Variants in TCF20 observed in about 807,000 individuals in gnomAD.
TCF20 encodes transcription factor 20.
Under a neutral mutation model 148.6 loss-of-function variants are expected in TCF20, and 3 were observed. The observed-to-expected ratio is 0.02, with a 90% CI of 0.01 to 0.05. The LOEUF (loss-of-function observed/expected upper bound fraction) is 0.05. TCF20 is among the 10% of genes least tolerant of loss of function. TCF20 has a pLI of 1.00. For synonymous variants in TCF20, 1,049 were observed against 909.5 expected, an observed-to-expected ratio of 1.15 and a Z score of -2.76; for missense variants, 2,350 against 2,429.3, an observed-to-expected ratio of 0.97 and a Z score of 0.69.
intron 1 of TCF20, among the ~76,000 whole-genome samples, chr22:42,221,741 T>TTTTTTTTTTTG (rs1555931753): frequency 2.4e-5 from 3 of 123,772 alleles, no homozygotes; most frequent in Admixed American, 7.9e-5. Context: ...GGCAAAGGGT[T>TTTTTTTTTTTG]TTTTTTTTTT....
At chr22:42,229,608 G>T (rs1035902845) in intron 1 of TCF20, among the ~76,000 whole-genome samples, 1 of 152,068 alleles carries the variant, frequency 6.6e-6, no homozygotes, top group Non-Finnish European at 1.5e-5. Context: ...TGAAGGCCAC[G>T]GCAATTTTCC....
In TCF20 at chr22:42,213,987, A is replaced by G; in HGVS notation, c.1319T>C (p.Leu440Pro). ...CAGTCGCTTTTCTGGTACCCCTTCT[A>G]GTCCAAACCCTTTGAAGCCTGCAGC... is the stretch of plus-strand genomic sequence containing the variant. Reference protein sequence around the residue: ...SHAAGFKGFGLEGVPEKRLTD... With the variant: ...SHAAGFKGFGPEGVPEKRLTD... Residue 440 changes from leucine to proline, a missense_variant, in exon 2 of 6, where the codon CTA becomes CCA. Physicochemically the swap from Leu to Pro is moderately conservative, Grantham distance 98. Coordinates refer to ENST00000677622, the MANE Select transcript of TCF20 (RefSeq NM_001378418.1). 6.2e-7 allele frequency: 1 copy of G among 1,614,174 alleles called. No individual in the cohort carries two copies. Among genetic ancestry groups the G allele is most frequent in the Non-Finnish European group, 8.5e-7 (1 of 1,180,016 alleles).
intron 1 of TCF20, among the ~76,000 whole-genome samples, chr22:42,267,596 G>A (rs183616549): frequency 1.3e-5 from 2 of 152,154 alleles, no homozygotes; most frequent in Admixed American, 6.5e-5. Flanking sequence ...AGCTACTCAG[G>A]AGGCTGAGGT....
In TCF20 at chr22:42,338,238, G is replaced by A. The variant is rs997110402; in HGVS notation, c.-37+5241C>T. On this transcript the variant is annotated intron_variant, in intron 1 of 1. Transcript: ENST00000515426. This position sits in a 1 kb window ranked among gnomAD's most constrained non-coding sequence, Gnocchi z 4.0. ...CAGCTGGGTCCCCAGTGCCCGCTCC[G>A]TGACAGCCCCAGAAGAGGGCCGGAG... Among the ~76,000 whole-genome samples the A allele has an allele frequency of 6.6e-6, 1 of 152,240 alleles. No homozygotes were observed. The highest frequency in any genetic ancestry group is 2.4e-5 in the African/African-American group (1 of 41,458).
At chr22:42,208,403 G>T (rs1938533799) in intron 2 of TCF20, among the ~76,000 whole-genome samples, 2 of 152,148 alleles carry the variant, frequency 1.3e-5, no homozygotes, top group Non-Finnish European at 2.9e-5. Flanking sequence ...GAAGTGGAAG[G>T]ATTGCTTGAG....
rs1258771837 is a variant in TCF20 at position 42,270,378 on chromosome 22, G to C, written c.-76C>G. 6.6e-6 allele frequency among the ~76,000 whole-genome samples: 1 copy of C among 151,134 alleles called. No homozygotes were observed. Among genetic ancestry groups the C allele is most frequent in the Non-Finnish European group, 1.5e-5 (1 of 67,640 alleles). ...CGCCCAGTCCCTCGGCCTCCGCCGG[G>C]GGCGGGCGGGGAGGGAGCGGTGGCG... On this transcript the variant is annotated 5_prime_UTR_variant, in exon 1 of 6. Transcript: ENST00000677622.
chr22:42,282,156 C>T (rs1194600564), intron 1 of TCF20, among the ~76,000 whole-genome samples: 1 of 152,244 alleles, frequency 6.6e-6, no homozygotes, highest in East Asian at 1.9e-4. Flanking sequence ...AGGAGAGCCA[C>T]AGCCTTCCCC....
At chr22:42,322,400 G>A (rs1402889222) in intron 1 of TCF20, among the ~76,000 whole-genome samples, 3 of 151,810 alleles carry the variant, frequency 2.0e-5, no homozygotes, top group Non-Finnish European at 4.4e-5. Context: ...GAGGAGAAGG[G>A]GGTCTGCTGG....
intron 2 of TCF20, among the ~76,000 whole-genome samples, chr22:42,195,034 T>C (rs913152696): frequency 6.6e-6 from 1 of 151,228 alleles, no homozygotes; most frequent in Admixed American, 6.6e-5. Flanking sequence ...GAAATGGTCA[T>C]TGTGCATTTC....
At chr22:42,235,096 C>T (rs1923761418) in intron 1 of TCF20, among the ~76,000 whole-genome samples, 1 of 148,152 alleles carries the variant, frequency 6.7e-6, no homozygotes, top group Non-Finnish European at 1.5e-5. Context: ...GAGCCGAGAT[C>T]GTGCCACTGC....
chr22:42,261,367 G>T (rs2147375235), intron 1 of TCF20, among the ~76,000 whole-genome samples: 1 of 152,272 alleles, frequency 6.6e-6, no homozygotes, highest in African/African-American at 2.4e-5. Flanking sequence ...CTGGGTCACA[G>T]GGCAGATGTA....
chr22:42,199,841 G>T, intron 2 of TCF20, among the ~76,000 whole-genome samples: 1 of 141,632 alleles, frequency 7.1e-6, no homozygotes, highest in African/African-American at 2.7e-5. Flanking sequence ...GAGTGACTCT[G>T]TCCAAAAAAA....
At chr22:42,336,538 C>T (rs193103675) in intron 1 of TCF20, among the ~76,000 whole-genome samples, 1 of 152,234 alleles carries the variant, frequency 6.6e-6, no homozygotes, top group Non-Finnish European at 1.5e-5. Flanking sequence ...CTCCCTCCTT[C>T]ACCCGTCTCT....
chr22:42,330,001 G>A (rs1243919873), intron 1 of TCF20, among the ~76,000 whole-genome samples: 1 of 152,200 alleles, frequency 6.6e-6, no homozygotes, highest in Non-Finnish European at 1.5e-5. Context: ...GCCCTCGGCT[G>A]CCTGTGGGCC....
chr22:42,178,659 C>T (rs534180867), intron 3 of TCF20, among the ~76,000 whole-genome samples: 2 of 140,292 alleles, frequency 1.4e-5, no homozygotes, highest in African/African-American at 5.4e-5. Context: ...GGCGTGATCT[C>T]GCAACCTCTG....
chr22:42,202,878 A>G (rs564977941), intron 2 of TCF20, among the ~76,000 whole-genome samples: 1 of 152,324 alleles, frequency 6.6e-6, no homozygotes, highest in Admixed American at 6.5e-5. Flanking sequence ...ACACCAGCTA[A>G]GGGGCCGAGG....
At chr22:42,267,650 G>C (rs763945853) in intron 1 of TCF20, among the ~76,000 whole-genome samples, 1 of 152,066 alleles carries the variant, frequency 6.6e-6, no homozygotes, top group Non-Finnish European at 1.5e-5. Flanking sequence ...ACAGTGGGCC[G>C]AGATAGTGCC....
At chr22:42,180,462 TAAG>T (rs1936715486) in intron 2 of TCF20, among the ~76,000 whole-genome samples, 1 of 152,166 alleles carries the variant, frequency 6.6e-6, no homozygotes, top group African/African-American at 2.4e-5. Flanking sequence ...TCCTGTCAGG[TAAG>T]AAATGTGTCC....
chr22:42,225,265 C>G (rs187329447), intron 1 of TCF20, among the ~76,000 whole-genome samples: 162 of 152,056 alleles, frequency 1.1e-3, no homozygotes, highest in African/African-American at 3.8e-3. Context: ...CAAAGTGCTG[C>G]GATTACAGGG....
Sources: gnomAD v4.1 joint callset for allele counts (sites outside exome capture counted in the v4.1 genomes callset) on GRCh38, gnomAD v4.1.1 for gene constraint, Gnocchi (gnomAD v3.1) non-coding constraint, MANE v1.5 for transcripts, NCBI Gene and HGNC (gene_info 2026-07-23, HGNC 2026-07-21) for gene names.